Variants in VWA3B observed in about 807,000 individuals in gnomAD.
The protein encoded by VWA3B is von Willebrand factor A domain containing 3B.
VWA3B carries 138 observed loss-of-function variants against 158.3 expected under a neutral mutation model. That is an observed-to-expected ratio of 0.87 (90% CI 0.76 to 1.00). The LOEUF (loss-of-function observed/expected upper bound fraction) is 1.00, where lower values mean the gene tolerates loss of function less well. VWA3B is among the 50% of genes least tolerant of loss of function. VWA3B has a pLI of 0.00. For synonymous variants in VWA3B, 596 were observed against 587.3 expected (o/e 1.01, Z -0.21); for missense variants, 1,555 against 1,565.1 (o/e 0.99, Z 0.11).
In VWA3B at chr2:98,162,730, C is replaced by A. The variant is rs766316309; in HGVS notation, c.989-121C>A. ...CTCAGAAAGAGATTAGTGGGGGAAGCGGAATTTGATGTTCAGAAATGTTCC... is the reference window on the plus strand; with the variant it reads ...CTCAGAAAGAGATTAGTGGGGGAAGAGGAATTTGATGTTCAGAAATGTTCC... On this transcript the variant is annotated intron_variant, in intron 7 of 27. Coordinates refer to ENST00000477737, the MANE Select transcript of VWA3B (RefSeq NM_144992.5). The A allele has an allele frequency of 5.9e-6, 8 of 1,356,948 alleles. No individual in the cohort carries two copies. In the South Asian group the frequency reaches 1.2e-4, roughly 20 times the overall value. 84.1% of individuals were successfully genotyped at this position (1,356,948 alleles called of 1,614,324 possible).
intron 9 of VWA3B, among the ~76,000 whole-genome samples, chr2:98,183,668 A>G (rs754677561): frequency 2.0e-5 from 3 of 152,186 alleles, no homozygotes; most frequent in African/African-American, 7.2e-5. Flanking sequence ...TTTCAAACAA[A>G]TATTTATGGA....
chr2:98,229,921 A>G, intron 15 of VWA3B, 129 bp from the exon 16 acceptor site: 1 of 1,033,600 alleles, frequency 9.7e-7, no homozygotes, highest in Non-Finnish European at 1.4e-6. Flanking sequence ...ATTAACCCAG[A>G]TGGGGGAAGG....
chr2:98,127,625 G>T (rs981627213), intron 5 of VWA3B, among the ~76,000 whole-genome samples: 2 of 142,368 alleles, frequency 1.4e-5, no homozygotes, highest in Admixed American at 7.2e-5. Flanking sequence ...TGACACAGGG[G>T]TTGCTTATTC....
intron 7 of VWA3B, among the ~76,000 whole-genome samples, chr2:98,140,401 G>T (rs2105096609): frequency 6.6e-6 from 1 of 152,330 alleles, no homozygotes; most frequent in South Asian, 2.1e-4. Context: ...AGATGCTGCT[G>T]ACCGGAAGCT....
chr2:98,210,493 G>A (rs537105969), intron 12 of VWA3B, among the ~76,000 whole-genome samples: 21 of 148,538 alleles, frequency 1.4e-4, no homozygotes, highest in Non-Finnish European at 2.9e-4. Context: ...TGTCTGGCAC[G>A]TGGTACTTAT....
intron 1 of VWA3B, among the ~76,000 whole-genome samples, chr2:98,092,480 TAAC>T (rs1247238703): frequency 6.6e-6 from 1 of 151,932 alleles, no homozygotes; most frequent in African/African-American, 2.4e-5. Flanking sequence ...CCATTTCCAC[TAAC>T]AATACAAAAA....
At chr2:98,142,838 A>C (rs985759862) in intron 7 of VWA3B, among the ~76,000 whole-genome samples, 1 of 152,170 alleles carries the variant, frequency 6.6e-6, no homozygotes, top group East Asian at 1.9e-4. Context: ...GCAGCTCTAG[A>C]GTACGATTGG....
intron 21 of VWA3B, among the ~76,000 whole-genome samples, chr2:98,259,525 G>A (rs1687353943): frequency 6.6e-6 from 1 of 151,412 alleles, no homozygotes; most frequent in South Asian, 2.1e-4. Flanking sequence ...TCTATTTTTG[G>A]CATAGAACTA....
intron 26 of VWA3B, 118 bp downstream of exon 26, chr2:98,303,920 A>G: frequency 1.1e-6 from 1 of 924,304 alleles, no homozygotes; most frequent in Admixed American, 2.3e-5. Flanking sequence ...GAGATGCAGA[A>G]TGTCCTACTT....
chr2:98,200,064 G>A (rs1368502071), intron 12 of VWA3B, among the ~76,000 whole-genome samples: 1 of 152,160 alleles, frequency 6.6e-6, no homozygotes, highest in African/African-American at 2.4e-5. Context: ...GCTGAAAGAT[G>A]TCTCGTAGTA....
At chr2:98,151,778 TG>T (rs1677657652) in intron 7 of VWA3B, among the ~76,000 whole-genome samples, 1 of 152,232 alleles carries the variant, frequency 6.6e-6, no homozygotes, top group African/African-American at 2.4e-5. Flanking sequence ...ACATCTACTT[TG>T]TACAGTTTCT....
intron 2 of VWA3B, among the ~76,000 whole-genome samples, chr2:98,101,820 C>T (rs1367436131): frequency 6.7e-6 from 1 of 149,554 alleles, no homozygotes; most frequent in Non-Finnish European, 1.5e-5. Flanking sequence ...AGTTTTATCC[C>T]ATCTTTCTTT....
In VWA3B at chr2:98,297,000, C is replaced by T. The variant is rs902648228; in HGVS notation, c.3158-907C>T. Among the ~76,000 whole-genome samples the T allele has an allele frequency of 3.1e-4, 46 of 150,592 alleles. 1 individual carries two copies. The Middle Eastern group carries it at 0.017, about 56-fold the overall frequency. ...TGGTCATTTTTTTAATGGCAAAAACCGCAATTATTTTTATACCAACCTTAT... is the reference window on the plus strand; with the variant it reads ...TGGTCATTTTTTTAATGGCAAAAACTGCAATTATTTTTATACCAACCTTAT... On this transcript the variant is annotated intron_variant, in intron 23 of 27. Transcript: ENST00000477737.
chr2:98,122,568 C>T (rs1013799975), intron 5 of VWA3B, among the ~76,000 whole-genome samples: 4 of 152,172 alleles, frequency 2.6e-5, no homozygotes, highest in African/African-American at 9.7e-5. Flanking sequence ...GTTTTAACAT[C>T]TGTAAAATTT....
At chr2:98,241,763 A>G (rs11124119) in intron 19 of VWA3B, among the ~76,000 whole-genome samples, 94,667 of 151,696 alleles carry the variant, frequency 0.62, 29,843 homozygotes, top group South Asian at 0.84. Flanking sequence ...CTTCTGTGGC[A>G]TTGTGAGTTC....
At chr2:98,107,856 T>C (rs955461948) in intron 2 of VWA3B, among the ~76,000 whole-genome samples, 2 of 152,042 alleles carry the variant, frequency 1.3e-5, no homozygotes, top group African/African-American at 4.8e-5. Flanking sequence ...CTGTTTTCAA[T>C]TTCATTGATT....
Position 98,202,073 on chromosome 2 carries a change from G to A in VWA3B, c.1737+7581G>A, listed in dbSNP as rs573108186. Reference sequence around the variant, plus strand: ...TCCATATTCTTTTTTTCTAAAAAAGGTTGTACAGAATTGATATGATTTTTC... The same window carrying A: ...TCCATATTCTTTTTTTCTAAAAAAGATTGTACAGAATTGATATGATTTTTC... On this transcript the variant is annotated intron_variant, in intron 12 of 27. Transcript: ENST00000477737. Among the ~76,000 whole-genome samples, 37 of 152,108 alleles carry A rather than the reference G, an allele frequency of 2.4e-4. No individual in the cohort carries two copies. In the South Asian group the frequency reaches 5.6e-3, roughly 23 times the overall value.
downstream of VWA3B, among the ~76,000 whole-genome samples, chr2:98,318,273 A>T (rs866479345): frequency 6.6e-6 from 1 of 152,234 alleles, no homozygotes; most frequent in South Asian, 2.1e-4. Flanking sequence ...ATGTATGTGT[A>T]TGTTTATTTC....
At chr2:98,261,895 T>C (rs560406137) in intron 21 of VWA3B, among the ~76,000 whole-genome samples, 48 of 151,912 alleles carry the variant, frequency 3.2e-4, no homozygotes, top group African/African-American at 1.0e-3. Flanking sequence ...GTGTTTATCC[T>C]GCTGGAAGTT....
Sources: allele counts gnomAD v4.1 joint callset (sites outside exome capture counted in the v4.1 genomes callset), GRCh38; gene constraint gnomAD v4.1.1; transcripts MANE v1.5; gene names NCBI Gene and HGNC (gene_info 2026-07-23, HGNC 2026-07-21).